SRGAP2: variants seen among roughly 807,000 people sequenced by gnomAD.
The protein encoded by SRGAP2 is SLIT-ROBO Rho GTPase activating protein 2, also known as SLIT-ROBO Rho GTPase-activating protein 2.
In SRGAP2, 15 loss-of-function variants were observed where a neutral mutation model predicts 57.2. The ratio of observed to expected loss-of-function variants is 0.26; its 90% confidence interval spans 0.18 to 0.40. The LOEUF (loss-of-function observed/expected upper bound fraction) is 0.40, where lower values mean the gene tolerates loss of function less well. Among genes scored for constraint, SRGAP2 ranks in the 10% least tolerant of loss-of-function variants. The probability of loss-of-function intolerance (pLI) is 1.00; values close to 1 mark genes in which losing one functional copy is unlikely to be tolerated. For synonymous variants in SRGAP2, 249 were observed against 248.0 expected (o/e 1.00, Z -0.04); for missense variants, 520 against 669.6 (o/e 0.78, Z 2.47).
chr1:206,461,364 C>T lies in SRGAP2; in HGVS notation c.3160C>T (p.Pro1054Ser), dbSNP rs797043309. ...TVFPKTNATS[P>S]GVNSSTSPQS... The stretch of plus-strand genomic sequence containing the variant: ...CTTCCCCAAAACAAATGCCACTAGC[C>T]CTGGTGTCAACTCATCAACTTCCCC... The change falls in exon 23 of 23, where the codon CCT (proline) becomes TCT (serine). Residue 1054 changes from proline (P) to serine (S), a missense_variant. This residue lies in a region of SRGAP2 where 478 missense variants were observed against 373.6 expected (regional missense o/e 1.28). Transcript: ENST00000573034. 2 of 780,796 alleles carry T rather than the reference C, an allele frequency of 2.6e-6. No individual in the cohort carries two copies. The highest frequency in any genetic ancestry group is 4.8e-6 in the Non-Finnish European group (2 of 417,912). 48.4% of individuals were successfully genotyped at this position (780,796 alleles called of 1,614,324 possible).
intron 2 of SRGAP2, among the ~76,000 whole-genome samples, chr1:206,292,803 C>CT (rs1215867791): frequency 4.0e-5 from 6 of 150,946 alleles, no homozygotes; most frequent in African/African-American, 1.5e-4. Context: ...TCCCAAGTGT[C>CT]TATTTCTAGA....
intron 13 of SRGAP2, among the ~76,000 whole-genome samples, chr1:206,425,182 A>T (rs1660688104): frequency 1.3e-5 from 2 of 151,974 alleles, no homozygotes; most frequent in African/African-American, 4.8e-5. Context: ...GACCAACAAA[A>T]CTATGCAAAC....
At chr1:206,398,744 G>A (rs1657861571) in intron 7 of SRGAP2, among the ~76,000 whole-genome samples, 1 of 152,134 alleles carries the variant, frequency 6.6e-6, no homozygotes, top group Non-Finnish European at 1.5e-5. Flanking sequence ...ATAGAATGAA[G>A]AAGCGTATTC....
chr1:206,425,576 G>A (rs554068311), intron 13 of SRGAP2, among the ~76,000 whole-genome samples: 5 of 151,660 alleles, frequency 3.3e-5, no homozygotes, highest in East Asian at 1.9e-4. Flanking sequence ...GTTCTGTTGC[G>A]CAGGCTGGAC....
At chr1:206,378,649 T>TA (rs1176553314) in intron 4 of SRGAP2, among the ~76,000 whole-genome samples, 14 of 151,916 alleles carry the variant, frequency 9.2e-5, no homozygotes, top group Non-Finnish European at 1.8e-4. Flanking sequence ...CAGCACTCTG[T>TA]AAAAACGCAC....
chr1:206,339,148 T>C (rs2102905510), intron 3 of SRGAP2, among the ~76,000 whole-genome samples: 1 of 150,192 alleles, frequency 6.7e-6, no homozygotes, highest in South Asian at 2.1e-4. Flanking sequence ...GTTGAGTCAC[T>C]ATCATCACCT....
intron 2 of SRGAP2, among the ~76,000 whole-genome samples, chr1:206,291,443 A>C (rs1671313990): frequency 6.6e-6 from 1 of 152,142 alleles, no homozygotes; most frequent in Non-Finnish European, 1.5e-5. Flanking sequence ...GGCTGCTATT[A>C]CAAACTCCAT....
intron 2 of SRGAP2, among the ~76,000 whole-genome samples, chr1:206,255,217 T>C (rs1669110778): frequency 6.7e-6 from 1 of 148,184 alleles, no homozygotes; most frequent in Non-Finnish European, 1.5e-5. Context: ...CAGGAGTTCC[T>C]CTTTCAGTTC....
In SRGAP2 at chr1:206,461,674, G is replaced by C. The variant is rs946506089; in HGVS notation, c.*254G>C. ...GTCCGTACCGTTCTTAGGTTAGCCA[G>C]AGACAGGTTTTCATTATCAGGTCAC... On this transcript the variant is annotated 3_prime_UTR_variant, in exon 23 of 23. Transcript: ENST00000573034. 2.4e-6 allele frequency: 1 copy of C among 420,170 alleles called. No homozygotes were observed. Among genetic ancestry groups the C allele is most frequent in the East Asian group, 3.8e-5 (1 of 26,260 alleles). 26.0% of individuals were successfully genotyped at this position (420,170 alleles called of 1,614,324 possible). A position where few individuals can be genotyped will look rare whatever the true frequency, so the allele number is the denominator to read the frequency against.
intron 4 of SRGAP2, among the ~76,000 whole-genome samples, chr1:206,363,873 C>T (rs1553341094): frequency 6.6e-6 from 1 of 152,190 alleles, no homozygotes; most frequent in African/African-American, 2.4e-5. Flanking sequence ...GGATGGGTGT[C>T]CCCTTTGCAG....
At chr1:206,457,233 G>C (rs1292357810) in intron 21 of SRGAP2, among the ~76,000 whole-genome samples, 1 of 152,126 alleles carries the variant, frequency 6.6e-6, no homozygotes, top group African/African-American at 2.4e-5. Context: ...AGCTATTAGG[G>C]TGTGGCACTT....
At chr1:206,257,651 G>T (rs1431287026) in intron 2 of SRGAP2, among the ~76,000 whole-genome samples, 3 of 135,570 alleles carry the variant, frequency 2.2e-5, no homozygotes, top group African/African-American at 2.7e-5. Context: ...GGGAACCTAG[G>T]GGGTGAGTGA....
At chr1:206,385,630 G>C (rs1572015874) in intron 5 of SRGAP2, among the ~76,000 whole-genome samples, 1 of 150,652 alleles carries the variant, frequency 6.6e-6, no homozygotes, top group South Asian at 2.1e-4. Flanking sequence ...TTTACCCAGG[G>C]TCCTATGTCT....
chr1:206,261,634 G>A (rs1477618207), intron 2 of SRGAP2, among the ~76,000 whole-genome samples: 1 of 151,870 alleles, frequency 6.6e-6, no homozygotes, highest in South Asian at 2.1e-4. Context: ...CTCCCTGTGT[G>A]TTGGGGATGG....
intron 4 of SRGAP2, among the ~76,000 whole-genome samples, chr1:206,356,822 T>C (rs1231337875): frequency 1.8e-4 from 27 of 149,074 alleles, no homozygotes; most frequent in Admixed American, 3.3e-4. Context: ...TCTGGTCTTT[T>C]AGTTTTTCTA....
intron 22 of SRGAP2, among the ~76,000 whole-genome samples, chr1:206,460,612 A>T (rs1274230517): frequency 3.9e-5 from 6 of 152,072 alleles, no homozygotes; most frequent in African/African-American, 7.2e-5. Flanking sequence ...ACCACTTTTT[A>T]AAAAAGTGTT....
intron 3 of SRGAP2, among the ~76,000 whole-genome samples, chr1:206,332,544 T>C (rs1309814901): frequency 6.7e-6 from 1 of 149,928 alleles, no homozygotes; most frequent in Admixed American, 6.6e-5. Context: ...CCCTTCTCGC[T>C]TCCTTTCATT....
chr1:206,272,910 T>C (rs1329800404), intron 2 of SRGAP2, among the ~76,000 whole-genome samples: 1 of 152,194 alleles, frequency 6.6e-6, no homozygotes, highest in Non-Finnish European at 1.5e-5. Context: ...AGGATAGTGC[T>C]CTGCTGATTT....
At chr1:206,292,699 C>T (rs1671396534) in intron 2 of SRGAP2, among the ~76,000 whole-genome samples, 1 of 147,902 alleles carries the variant, frequency 6.8e-6, no homozygotes, top group Admixed American at 6.6e-5. Context: ...TATCCTAAGC[C>T]TACATCTTTT....
Sources: gnomAD v4.1 joint callset for allele counts (sites outside exome capture counted in the v4.1 genomes callset) on GRCh38, gnomAD v4.1.1 for gene constraint, gnomAD v4.1.1 regional missense constraint, MANE v1.5 for transcripts, NCBI Gene and HGNC (gene_info 2026-07-23, HGNC 2026-07-21) for gene names.